Variants in EVA1C observed in about 807,000 individuals in gnomAD.
The protein encoded by EVA1C is eva-1 homolog C, also known as protein eva-1 homolog C.
In EVA1C, 25 loss-of-function variants were observed where a neutral mutation model predicts 45.4. The ratio of observed to expected loss-of-function variants is 0.55; its 90% CI spans 0.40 to 0.77. EVA1C has a LOEUF of 0.77. Ranked by LOEUF, EVA1C falls within the 30% of genes least tolerant of loss-of-function variation. The pLI, the probability that EVA1C is intolerant of heterozygous loss-of-function variation, is 0.00. For missense variants in EVA1C, 479 were observed against 554.8 expected, an observed-to-expected ratio of 0.86 and a Z score of 1.37; for synonymous variants, 190 against 221.2, an observed-to-expected ratio of 0.86 and a Z score of 1.25.
chr21:32,499,511 C>T (rs1387967700), intron 5 of EVA1C, among the ~76,000 whole-genome samples: 3 of 152,166 alleles, frequency 2.0e-5, no homozygotes, highest in Non-Finnish European at 2.9e-5. Context: ...GCCTCCTGTA[C>T]GTGGAAAACT....
At chr21:32,432,016 C>T (rs949324857) in intron 1 of EVA1C, among the ~76,000 whole-genome samples, 1 of 152,114 alleles carries the variant, frequency 6.6e-6, no homozygotes, top group African/African-American at 2.4e-5. Flanking sequence ...CCCTTTTAGC[C>T]TGGAACAGCT....
intron 4 of EVA1C, among the ~76,000 whole-genome samples, chr21:32,468,671 C>T (rs2036269399): frequency 6.6e-6 from 1 of 152,124 alleles, no homozygotes; most frequent in Admixed American, 6.5e-5. Flanking sequence ...AAGATGTAGA[C>T]CTGGAGGCTA....
At chr21:32,457,754 G>A (rs980972905) in intron 3 of EVA1C, 34 bp downstream of exon 3, 2 of 1,612,598 alleles carry the variant, frequency 1.2e-6, no homozygotes, top group Non-Finnish European at 1.7e-6. Context: ...GTGTGTTTGG[G>A]GTGTGGTTCT....
chr21:32,412,587 G>A (rs550804370), upstream of EVA1C: 56 of 367,894 alleles, frequency 1.5e-4, no homozygotes, highest in South Asian at 5.4e-3. Flanking sequence ...CCTCCGGCAC[G>A]GCGGCAACGG....
In EVA1C at chr21:32,412,775, C is replaced by T; in HGVS notation, c.-79C>T. 7.9e-7 allele frequency: 1 copy of T among 1,271,386 alleles called. No homozygotes were observed. Among genetic ancestry groups the T allele is most frequent in the Non-Finnish European group, 1.0e-6 (1 of 996,798 alleles). The allele number at this position is 1,271,386 out of a possible 1,614,324, so 78.8% of individuals were successfully genotyped here. A position where few individuals can be genotyped will look rare whatever the true frequency, so the allele number is the denominator to read the frequency against. ...GGAGCCGCTGGCCATCGATTCTCCC[C>T]GCCATGTGACGCCGTCCTTAGCCCT... is the stretch of plus-strand genomic sequence containing the variant. On this transcript the variant is annotated 5_prime_UTR_variant, in exon 1 of 8. Coordinates refer to ENST00000300255, the MANE Select transcript of EVA1C (RefSeq NM_058187.5).
At chr21:32,480,041 C>G (rs573848483) in intron 4 of EVA1C, among the ~76,000 whole-genome samples, 1 of 152,028 alleles carries the variant, frequency 6.6e-6, no homozygotes, top group Admixed American at 6.6e-5. Context: ...AACAAAGCAA[C>G]CTACTTCCAA....
chr21:32,416,329 T>TC (rs1568853041), intron 1 of EVA1C, among the ~76,000 whole-genome samples: 1 of 148,228 alleles, frequency 6.7e-6, no homozygotes, highest in Admixed American at 7.2e-5. Context: ...TTCTTTTTTT[T>TC]TTTTTTTTTT....
chr21:32,444,085 C>CAT (rs1434114807), intron 1 of EVA1C, among the ~76,000 whole-genome samples: 1 of 150,236 alleles, frequency 6.7e-6, no homozygotes, highest in Non-Finnish European at 1.5e-5. Flanking sequence ...CACACACACA[C>CAT]ACACACAAAC....
At chr21:32,501,949 T>C (rs1328833703) in intron 6 of EVA1C, among the ~76,000 whole-genome samples, 1 of 149,022 alleles carries the variant, frequency 6.7e-6, no homozygotes, top group African/African-American at 2.5e-5. Flanking sequence ...CTCCCTCCCT[T>C]CCTTCCTCTC....
At position 32,457,652 on chromosome 21, in the gene EVA1C, G is replaced by A. The variant is rs201176516; in HGVS notation, c.413G>A (p.Arg138His). The change falls in exon 3 of 8, where the codon CGT becomes CAT. Residue 138 changes from arginine to histidine, a missense_variant. Around this residue, in one of 3 missense-constraint regions of EVA1C, gnomAD observed 366 missense variants for 426.1 expected, o/e 0.86. Transcript: ENST00000300255. The stretch of plus-strand genomic sequence containing the variant: ...GCCTGCCACCTCCTGGTCAATAGCC[G>A]TGTTTTTGGACCTGACCTTTGTCCA... ...QRACHLLVNSRVFGPDLCPGS... is the reference protein window; with the variant it reads ...QRACHLLVNSHVFGPDLCPGS... 4.0e-5 allele frequency: 65 copies of A among 1,614,084 alleles called. No homozygotes were observed. The highest frequency in any genetic ancestry group is 4.9e-5 in the Non-Finnish European group (58 of 1,179,960).
At chr21:32,513,468 C>T (rs953338512) in intron 7 of EVA1C, among the ~76,000 whole-genome samples, 4 of 147,740 alleles carry the variant, frequency 2.7e-5, no homozygotes, top group East Asian at 2.0e-4. Flanking sequence ...CGTGAGCCAC[C>T]GTGCCCGGCC....
At chr21:32,489,259 A>C (rs2037077069) in intron 4 of EVA1C, among the ~76,000 whole-genome samples, 1 of 152,116 alleles carries the variant, frequency 6.6e-6, no homozygotes, top group South Asian at 2.1e-4. Context: ...TTTTGTGTTG[A>C]TTTTTGCATA....
intron 4 of EVA1C, among the ~76,000 whole-genome samples, chr21:32,481,940 A>C (rs1329903362): frequency 1.3e-5 from 2 of 152,240 alleles, no homozygotes; most frequent in Non-Finnish European, 2.9e-5. Context: ...CAAAGAGAGC[A>C]TGTAATTTAG....
At chr21:32,495,608 G>C (rs1167517184) in intron 5 of EVA1C, among the ~76,000 whole-genome samples, 2 of 152,138 alleles carry the variant, frequency 1.3e-5, no homozygotes, top group African/African-American at 4.8e-5. Context: ...ACTGCCAACA[G>C]CTATTTTATC....
At chr21:32,429,187 C>A (rs763855653) in intron 1 of EVA1C, among the ~76,000 whole-genome samples, 10 of 152,006 alleles carry the variant, frequency 6.6e-5, no homozygotes, top group Admixed American at 5.9e-4. Flanking sequence ...ATTTCAGGCA[C>A]CCACCACAAA....
intron 5 of EVA1C, among the ~76,000 whole-genome samples, chr21:32,500,190 A>ATTTTTTTTTTTT (rs538897939): frequency 1.1e-5 from 1 of 91,102 alleles, no homozygotes; most frequent in Non-Finnish European, 2.0e-5. Flanking sequence ...TAACCACCCT[A>ATTTTTTTTTTTT]TTTTTTTTTT....
intron 1 of EVA1C, among the ~76,000 whole-genome samples, chr21:32,450,502 CGGACCACAGTCCG>C (rs1313785219): frequency 3.8e-5 from 1 of 26,378 alleles, no homozygotes; most frequent in Non-Finnish European, 6.6e-5. Flanking sequence ...ATTTATTCCC[CGGACCACAGTCCG>C]GGAATGCTGG....
At chr21:32,500,460 C>A (rs1301820635) in intron 5 of EVA1C, among the ~76,000 whole-genome samples, 1 of 152,008 alleles carries the variant, frequency 6.6e-6, no homozygotes. Flanking sequence ...CCAGAGTTAA[C>A]CACTCTATTG....
chr21:32,482,386 G>A (rs1308097568), intron 4 of EVA1C, among the ~76,000 whole-genome samples: 2 of 152,180 alleles, frequency 1.3e-5, no homozygotes, highest in Non-Finnish European at 2.9e-5. Flanking sequence ...GTCTCAGTGA[G>A]TTTATCAGAT....
Sources: allele counts gnomAD v4.1 joint callset (sites outside exome capture counted in the v4.1 genomes callset), GRCh38; gene constraint gnomAD v4.1.1; regional missense constraint gnomAD v4.1.1; transcripts MANE v1.5; gene names NCBI Gene and HGNC (gene_info 2026-07-23, HGNC 2026-07-21).